The following PKHD1 variants were observed in gnomAD, a reference collection of about 807,000 sequenced individuals.
PKHD1 encodes fibrocystin.
In PKHD1, 291 loss-of-function variants were observed where a neutral mutation model predicts 412.0. That is an observed-to-expected ratio of 0.71 (90% confidence interval 0.64 to 0.78). The LOEUF (loss-of-function observed/expected upper bound fraction) is 0.78. Ranked by LOEUF, PKHD1 falls within the 30% of genes least tolerant of loss-of-function variation. The probability of loss-of-function intolerance (pLI) is 0.00; values close to 1 mark genes in which losing one functional copy is unlikely to be tolerated. For missense variants in PKHD1, 4,825 were observed against 4,950.7 expected (o/e 0.97, Z 0.76); for synonymous variants, 1,777 against 1,821.5 (o/e 0.98, Z 0.62).
At chr6:51,907,358 T>G (rs1782267734) in intron 40 of PKHD1, among the ~76,000 whole-genome samples, 1 of 152,136 alleles carries the variant, frequency 6.6e-6, no homozygotes, top group South Asian at 2.1e-4. Flanking sequence ...CCCCTCAATC[T>G]CAGCTCTCCT....
intron 60 of PKHD1, among the ~76,000 whole-genome samples, chr6:51,691,256 A>C (rs921286492): frequency 1.3e-5 from 2 of 152,318 alleles, no homozygotes; most frequent in East Asian, 3.9e-4. Flanking sequence ...GGTATTCCTC[A>C]AAGACCTAAA....
intron 53 of PKHD1, among the ~76,000 whole-genome samples, chr6:51,785,776 T>C (rs1033841984): frequency 1.3e-5 from 2 of 152,186 alleles, no homozygotes; most frequent in African/African-American, 4.8e-5. Context: ...AAAATTTCTA[T>C]CCACAAAATC....
At position 51,803,009 on chromosome 6, in the gene PKHD1, AAGAG is replaced by A. The variant is rs373959345; in HGVS notation, c.8303-11640_8303-11637del. Among the ~76,000 whole-genome samples, 81 of 151,394 alleles carry A rather than the reference AAGAG, an allele frequency of 5.4e-4. 1 individual carries two copies. The East Asian group carries it at 0.015, about 28-fold the overall frequency. ...ATTATATCAATTATAATTGATGTTT[AAGAG>A]AGAGTTTAAAATGTAGTATCTGAGT... On this transcript the variant is annotated intron_variant, in intron 52 of 66. Transcript: ENST00000371117.
At chr6:51,864,037 C>T (rs140738695) in intron 48 of PKHD1, among the ~76,000 whole-genome samples, 2 of 152,214 alleles carry the variant, frequency 1.3e-5, no homozygotes, top group South Asian at 2.1e-4. Context: ...AAAGAGCTAG[C>T]ACACAACAGA....
intron 6 of PKHD1, among the ~76,000 whole-genome samples, chr6:52,074,824 G>C (rs897258151): frequency 6.6e-6 from 1 of 152,192 alleles, no homozygotes; most frequent in African/African-American, 2.4e-5. Flanking sequence ...TCTGGAAAGT[G>C]ATTACAAAGA....
In PKHD1 at chr6:51,903,577, G is replaced by C; in HGVS notation, c.6996+20C>G. 1.2e-6 allele frequency: 2 copies of C among 1,604,660 alleles called. No individual in the cohort carries two copies. Among genetic ancestry groups the C allele is most frequent in the Non-Finnish European group, 1.7e-6 (2 of 1,172,938 alleles). Reference sequence around the variant, plus strand: ...ATGCCCTCTCAGTTCTGGTCTTCCTGGTAGAGCTGAACATCTTACCTCTAT... The same window carrying C: ...ATGCCCTCTCAGTTCTGGTCTTCCTCGTAGAGCTGAACATCTTACCTCTAT... On this transcript the variant is annotated intron_variant, in intron 43 of 66. Coordinates refer to ENST00000371117, the MANE Select transcript of PKHD1 (RefSeq NM_138694.4).
chr6:52,048,643 A>G (rs1288637501), intron 22 of PKHD1, 24 bp from the exon 23 acceptor site: 4 of 1,613,612 alleles, frequency 2.5e-6, no homozygotes, highest in Non-Finnish European at 3.4e-6. Flanking sequence ...GAAACAAAGT[A>G]TTAACGTCTG....
At chr6:51,692,527 G>A (rs775889143) in intron 60 of PKHD1, among the ~76,000 whole-genome samples, 13 of 151,912 alleles carry the variant, frequency 8.6e-5, no homozygotes, top group South Asian at 2.1e-4. Flanking sequence ...ACCTCCCTCC[G>A]ACATGGTTAT....
At chr6:51,630,484 G>A (rs2150294308) in intron 65 of PKHD1, among the ~76,000 whole-genome samples, 1 of 152,194 alleles carries the variant, frequency 6.6e-6, no homozygotes, top group South Asian at 2.1e-4. Context: ...TGCAATGCAT[G>A]TATTATTTTA....
At chr6:52,011,614 C>A (rs116088198) in intron 34 of PKHD1, among the ~76,000 whole-genome samples, 1 of 152,220 alleles carries the variant, frequency 6.6e-6, no homozygotes, top group Non-Finnish European at 1.5e-5. Flanking sequence ...AAGGTCACCA[C>A]TTGAGAAACT....
intron 36 of PKHD1, among the ~76,000 whole-genome samples, chr6:51,956,433 G>A (rs1185280037): frequency 6.6e-6 from 1 of 151,880 alleles, no homozygotes; most frequent in Non-Finnish European, 1.5e-5. Flanking sequence ...ATTTCACCCA[G>A]GACCATTTAC....
rs756240262 is a variant in PKHD1 at position 51,747,785 on chromosome 6, A to G, written c.9829+2T>C. 6.2e-7 allele frequency: 1 copy of G among 1,612,108 alleles called. No individual in the cohort carries two copies. Among genetic ancestry groups the G allele is most frequent in the Non-Finnish European group, 8.5e-7 (1 of 1,178,432 alleles). On this transcript the variant is annotated splice_donor_variant, in intron 58 of 66. Transcript: ENST00000371117. LOFTEE classifies it high-confidence loss of function. Reference sequence around the variant, plus strand: ...CTGCCTAGATAAAATAAAACATCCTACCTTGAAGTTTCATGATTCCTGAAA... The same window carrying G: ...CTGCCTAGATAAAATAAAACATCCTGCCTTGAAGTTTCATGATTCCTGAAA...
At chr6:51,728,885 A>G (rs1317244255) in intron 60 of PKHD1, among the ~76,000 whole-genome samples, 1 of 152,224 alleles carries the variant, frequency 6.6e-6, no homozygotes, top group Non-Finnish European at 1.5e-5. Context: ...AGTGGTGGCA[A>G]TGGAATGGAA....
chr6:52,003,228 T>A (rs578169967), intron 35 of PKHD1, among the ~76,000 whole-genome samples: 1 of 152,156 alleles, frequency 6.6e-6, no homozygotes, highest in Non-Finnish European at 1.5e-5. Flanking sequence ...TTGGAAAAAA[T>A]TATGATGACT....
intron 43 of PKHD1, among the ~76,000 whole-genome samples, chr6:51,895,365 A>C (rs1779738254): frequency 6.6e-6 from 1 of 152,240 alleles, no homozygotes; most frequent in Non-Finnish European, 1.5e-5. Flanking sequence ...AATAACAGAA[A>C]GCCAATGGCA....
rs181806845 is a variant in PKHD1, at chr6:51,649,120, G to T, written c.11275C>A (p.Pro3759Thr). Residue 3759 changes from proline (P) to threonine (T), a missense_variant, in exon 62 of 67, where the codon CCA becomes ACA. Physicochemically the swap from Pro to Thr is conservative, Grantham distance 38. Coordinates refer to ENST00000371117, the MANE Select transcript of PKHD1 (RefSeq NM_138694.4). ...AAAAATACCAATTGTGGCTGCACTG[G>T]AAGCTCATTTCCCACTTCTCCATCT... The part of the protein sequence containing the change: ...PSDGEVGNEL[P>T]VQPQLVFLDE... 4.3e-5 allele frequency: 69 copies of T among 1,613,880 alleles called. No individual in the cohort carries two copies. Among genetic ancestry groups the T allele is most frequent in the Non-Finnish European group, 5.9e-6 (7 of 1,179,826 alleles).
chr6:51,852,129 A>G (rs1227326177), intron 49 of PKHD1, among the ~76,000 whole-genome samples: 1 of 151,900 alleles, frequency 6.6e-6, no homozygotes, highest in African/African-American at 2.4e-5. Context: ...GGTTTCAAAG[A>G]ACTTCTTTCT....
chr6:52,010,467 G>A lies in PKHD1; in HGVS notation c.5601-8C>T, dbSNP rs578030952. The stretch of plus-strand genomic sequence containing the variant: ...TCTCTTTCCAATTTAGGGCTGAAAC[G>A]AGAGGGGAGGTTAAATGGGGTGTCA... On this transcript the variant is annotated splice_polypyrimidine_tract_variant and splice_region_variant and intron_variant, in intron 34 of 66. Transcript: ENST00000371117. 3.4e-5 allele frequency: 54 copies of A among 1,569,264 alleles called. No individual in the cohort carries two copies. In the East Asian group the frequency reaches 7.6e-4, roughly 22 times the overall value.
intron 52 of PKHD1, among the ~76,000 whole-genome samples, chr6:51,818,777 T>G (rs1765891465): frequency 6.6e-6 from 1 of 152,102 alleles, no homozygotes; most frequent in African/African-American, 2.4e-5. Context: ...GAATCCTTTC[T>G]CCTTTCTGCT....
Sources: allele counts gnomAD v4.1 joint callset (sites outside exome capture counted in the v4.1 genomes callset), GRCh38; gene constraint gnomAD v4.1.1; transcripts MANE v1.5; gene names NCBI Gene and HGNC (gene_info 2026-07-23, HGNC 2026-07-21).